CFAP299: variants seen among roughly 807,000 people sequenced by gnomAD.
The protein encoded by CFAP299 is cilia and flagella associated protein 299.
In CFAP299, 21 loss-of-function variants were observed where a neutral mutation model predicts 27.0. The observed-to-expected ratio is 0.78, with a 90% confidence interval of 0.55 to 1.12. The LOEUF (loss-of-function observed/expected upper bound fraction) is 1.12, where lower values mean the gene tolerates loss of function less well. Among genes scored for constraint, CFAP299 ranks in the 50% most tolerant of loss-of-function variants. The probability of loss-of-function intolerance (pLI) is 0.00; values close to 1 mark genes in which losing one functional copy is unlikely to be tolerated. For missense variants in CFAP299, 310 were observed against 276.6 expected (o/e 1.12, Z -0.86); for synonymous variants, 104 against 98.1 (o/e 1.06, Z -0.36).
chr4:80,624,481 A>G (rs1738777581), intron 3 of CFAP299, among the ~76,000 whole-genome samples: 1 of 151,932 alleles, frequency 6.6e-6, no homozygotes, highest in Admixed American at 6.6e-5. Flanking sequence ...AAATAAGCTT[A>G]TGAGATTTAT....
chr4:80,525,489 C>T (rs1295139740), intron 2 of CFAP299, among the ~76,000 whole-genome samples: 2 of 152,154 alleles, frequency 1.3e-5, no homozygotes, highest in Non-Finnish European at 2.9e-5. Flanking sequence ...CTACTCTGGC[C>T]ATTCTCCATC....
chr4:80,892,880 C>A (rs1201044375), intron 4 of CFAP299, among the ~76,000 whole-genome samples: 2 of 151,884 alleles, frequency 1.3e-5, no homozygotes, highest in African/African-American at 2.4e-5. Flanking sequence ...CATGCCAGGG[C>A]TTTTGGACAA....
intron 4 of CFAP299, among the ~76,000 whole-genome samples, chr4:80,892,469 C>T (rs1166152986): frequency 2.0e-5 from 3 of 152,082 alleles, no homozygotes; most frequent in South Asian, 2.1e-4. Context: ...GAGTAATACC[C>T]CACAAGCACA....
At chr4:80,418,165 A>G (rs2110067338) in intron 2 of CFAP299, among the ~76,000 whole-genome samples, 1 of 152,266 alleles carries the variant, frequency 6.6e-6, no homozygotes, top group Admixed American at 6.5e-5. Context: ...GGGACAATAT[A>G]CATGGAAATA....
intron 2 of CFAP299, among the ~76,000 whole-genome samples, chr4:80,364,450 C>T (rs544746087): frequency 5.3e-5 from 8 of 152,266 alleles, no homozygotes; most frequent in Admixed American, 2.0e-4. Flanking sequence ...TCAGAAGGTT[C>T]TTTCCTGACT....
At chr4:80,577,464 A>G (rs1199643835) in intron 2 of CFAP299, among the ~76,000 whole-genome samples, 3 of 118,290 alleles carry the variant, frequency 2.5e-5, no homozygotes, top group Middle Eastern at 8.3e-3. Context: ...GTGCAGTGGT[A>G]TGATCTTGGT....
intron 3 of CFAP299, among the ~76,000 whole-genome samples, chr4:80,747,387 T>C (rs937443959): frequency 8.5e-5 from 13 of 152,074 alleles, no homozygotes; most frequent in African/African-American, 3.1e-4. Context: ...CAGGAGTATT[T>C]CAGCTTCATT....
chr4:80,449,710 A>C (rs1391921038), intron 2 of CFAP299, among the ~76,000 whole-genome samples: 1 of 151,820 alleles, frequency 6.6e-6, no homozygotes, highest in Non-Finnish European at 1.5e-5. Context: ...TTAATTTCTG[A>C]ATTTTTTATG....
chr4:80,548,312 A>G (rs1398633905), intron 2 of CFAP299, among the ~76,000 whole-genome samples: 1 of 152,208 alleles, frequency 6.6e-6, no homozygotes, highest in East Asian at 1.9e-4. Flanking sequence ...GTTCTCAAGT[A>G]TAAGTGGGAG....
chr4:80,943,295 A>G (rs771413690), intron 4 of CFAP299, among the ~76,000 whole-genome samples: 13 of 152,222 alleles, frequency 8.5e-5, no homozygotes, highest in South Asian at 2.1e-4. Flanking sequence ...ACATAAATAT[A>G]TGATCTATAC....
chr4:80,683,568 C>T (rs1719984305), intron 3 of CFAP299, among the ~76,000 whole-genome samples: 1 of 152,068 alleles, frequency 6.6e-6, no homozygotes, highest in African/African-American at 2.4e-5. Context: ...ATCTCTTGCA[C>T]ATATTTATTT....
At position 80,548,934 on chromosome 4, in the gene CFAP299, C is replaced by T. The variant is rs187187127; in HGVS notation, c.243-34159C>T. ...TACAGAAAAGCAGGAGTTAGGGAGA[C>T]AAAAAAAATTCCAGGTAGCGTTTTC... On this transcript the variant is annotated intron_variant, in intron 2 of 5. Transcript: ENST00000358105. 4.0e-3 allele frequency among the ~76,000 whole-genome samples: 610 copies of T among 151,412 alleles called. 3 individuals are homozygous for T. The highest frequency in any genetic ancestry group is 3.5e-3 in the Non-Finnish European group (237 of 67,770).
At chr4:80,521,374 A>G (rs1732902524) in intron 2 of CFAP299, among the ~76,000 whole-genome samples, 1 of 152,194 alleles carries the variant, frequency 6.6e-6, no homozygotes, top group South Asian at 2.1e-4. Context: ...TGTTTCTGGT[A>G]TATGAAACTA....
At chr4:80,698,279 T>C (rs983301633) in intron 3 of CFAP299, among the ~76,000 whole-genome samples, 8 of 152,190 alleles carry the variant, frequency 5.3e-5, no homozygotes, top group African/African-American at 1.9e-4. Context: ...AAATTAGTAG[T>C]TGTTATCACT....
At chr4:80,735,609 C>A (rs1300393691) in intron 3 of CFAP299, among the ~76,000 whole-genome samples, 1 of 151,936 alleles carries the variant, frequency 6.6e-6, no homozygotes, top group Non-Finnish European at 1.5e-5. Context: ...TAATATGTTC[C>A]TTCTATATCC....
intron 2 of CFAP299, among the ~76,000 whole-genome samples, chr4:80,391,281 T>G (rs555264924): frequency 6.6e-6 from 1 of 152,298 alleles, no homozygotes; most frequent in East Asian, 1.9e-4. Flanking sequence ...TTTAATTTTT[T>G]GAGAATCTTC....
At chr4:80,654,058 G>A (rs1446643523) in intron 3 of CFAP299, among the ~76,000 whole-genome samples, 1 of 152,070 alleles carries the variant, frequency 6.6e-6, no homozygotes, top group African/African-American at 2.4e-5. Flanking sequence ...TGACATTTGG[G>A]TTATACAGTT....
At position 80,498,270 on chromosome 4, in the gene CFAP299, T is replaced by G. The variant is rs114749070; in HGVS notation, c.243-84823T>G. 2.5e-3 allele frequency among the ~76,000 whole-genome samples: 378 copies of G among 152,240 alleles called. 1 individual carries two copies. The highest frequency in any genetic ancestry group is 8.6e-3 in the African/African-American group (359 of 41,554). ...ATGGAACCTAATTAAACTAAAGAGC[T>G]TCTGCATAGCAAATGAAACTGTCAG... On this transcript the variant is annotated intron_variant, in intron 2 of 5. Transcript: ENST00000358105.
intron 2 of CFAP299, among the ~76,000 whole-genome samples, chr4:80,500,314 G>A (rs563439249): frequency 2.0e-5 from 3 of 152,222 alleles, no homozygotes; most frequent in East Asian, 1.9e-4. Context: ...TCCATGGAAA[G>A]CAGCTTCATT....
Sources: gnomAD v4.1 joint callset for allele counts (sites outside exome capture counted in the v4.1 genomes callset) on GRCh38, gnomAD v4.1.1 for gene constraint, MANE v1.5 for transcripts, NCBI Gene and HGNC (gene_info 2026-07-23, HGNC 2026-07-21) for gene names.